Variants in SVOP observed in about 807,000 individuals in gnomAD.
SVOP encodes the protein SV2 related protein, also known as synaptic vesicle 2-related protein.
A neutral mutation model predicts 69.1 loss-of-function variants in SVOP; 17 were observed. The ratio of observed to expected loss-of-function variants is 0.25; its 90% confidence interval spans 0.17 to 0.37. The LOEUF is 0.37. Among genes scored for constraint, SVOP ranks in the 10% least tolerant of loss-of-function variants. The pLI, the probability that SVOP is intolerant of heterozygous loss-of-function variation, is 1.00. For synonymous variants in SVOP, 238 were observed against 238.6 expected (o/e 1.00, Z 0.02); for missense variants, 435 against 597.5 (o/e 0.73, Z 2.84).
chr12:108,934,109 G>C, intron 11 of SVOP, 86 bp downstream of exon 11: 1 of 1,210,850 alleles, frequency 8.3e-7, no homozygotes, highest in Non-Finnish European at 1.2e-6. Flanking sequence ...CTTAAGGGCA[G>C]AGCCTGGGGT....
intron 1 of SVOP, among the ~76,000 whole-genome samples, chr12:108,985,261 AAGAG>A (rs1342411824): frequency 5.9e-5 from 9 of 151,574 alleles, no homozygotes; most frequent in Non-Finnish European, 1.0e-4. Flanking sequence ...AAAAGAAAGA[AAGAG>A]AGAGAGAGGA....
intron 11 of SVOP, among the ~76,000 whole-genome samples, chr12:108,924,116 C>T (rs921702670): frequency 6.6e-6 from 1 of 152,174 alleles, no homozygotes; most frequent in South Asian, 2.1e-4. Context: ...CTTATGCCAT[C>T]TGAGGACACA....
intron 6 of SVOP, among the ~76,000 whole-genome samples, chr12:108,957,859 T>C (rs372909450): frequency 3.4e-4 from 52 of 152,346 alleles, no homozygotes; most frequent in African/African-American, 1.1e-3. Context: ...TTTGGCCTTT[T>C]GGCCAAGGCA....
intron 6 of SVOP, among the ~76,000 whole-genome samples, chr12:108,946,620 C>G (rs1344443914): frequency 6.6e-6 from 1 of 151,542 alleles, no homozygotes; most frequent in African/African-American, 2.4e-5. Flanking sequence ...TATCTTCTAT[C>G]TATCTATCTA....
At chr12:108,916,658 G>A (rs2039715873) in intron 14 of SVOP, among the ~76,000 whole-genome samples, 2 of 152,216 alleles carry the variant, frequency 1.3e-5, no homozygotes, top group South Asian at 2.1e-4. Flanking sequence ...ACGATGCGAG[G>A]AGCCTGGGTT....
At chr12:109,004,632 T>C (rs1013690800) in intron 1 of SVOP, among the ~76,000 whole-genome samples, 1 of 151,950 alleles carries the variant, frequency 6.6e-6, no homozygotes, top group African/African-American at 2.4e-5. Flanking sequence ...GGTCTCAAAC[T>C]CCTGAGCTCA....
rs545100117 is a variant in SVOP at position 109,013,384 on chromosome 12, G to A, written c.35+7450C>T. Among the ~76,000 whole-genome samples the A allele has an allele frequency of 6.9e-4, 104 of 151,204 alleles. 1 individual carries two copies. The highest frequency in any genetic ancestry group is 2.7e-3 in the South Asian group (13 of 4,784). ...AAATACACATAACATCAAACTTACC[G>A]TCTTAACCTTTTTTTTTTTTTTCTG... is the stretch of plus-strand genomic sequence containing the variant. On this transcript the variant is annotated intron_variant, in intron 1 of 15. Coordinates refer to ENST00000610966, the MANE Select transcript of SVOP (RefSeq NM_018711.5).
At chr12:108,965,440 G>A (rs903007527) in intron 5 of SVOP, among the ~76,000 whole-genome samples, 5 of 152,114 alleles carry the variant, frequency 3.3e-5, no homozygotes, top group Admixed American at 2.6e-4. Context: ...GGGGCCTGGT[G>A]GAATTACAGG....
At chr12:108,986,770 G>T (rs949977757) in intron 1 of SVOP, among the ~76,000 whole-genome samples, 1 of 137,756 alleles carries the variant, frequency 7.3e-6, no homozygotes. Flanking sequence ...GCTCTTCTTT[G>T]ATCGGGGAGG....
intron 4 of SVOP, among the ~76,000 whole-genome samples, chr12:108,973,507 T>C (rs2137431408): frequency 6.6e-6 from 1 of 152,286 alleles, no homozygotes; most frequent in Non-Finnish European, 1.5e-5. Flanking sequence ...TCCTCTCACC[T>C]CAGCCTCCTG....
At chr12:108,992,625 G>A (rs528448358) in intron 1 of SVOP, among the ~76,000 whole-genome samples, 1 of 152,138 alleles carries the variant, frequency 6.6e-6, no homozygotes, top group Non-Finnish European at 1.5e-5. Flanking sequence ...AAAATATTAC[G>A]CTGAGCAAAG....
intron 1 of SVOP, among the ~76,000 whole-genome samples, chr12:109,011,547 C>G (rs117506987): frequency 2.6e-5 from 4 of 152,194 alleles, no homozygotes; most frequent in African/African-American, 7.2e-5. Context: ...TCCTCTGGTC[C>G]TGTGTCTCTA....
chr12:108,912,658 C>G lies in SVOP; in HGVS notation c.1524G>C (p.Leu508Phe), dbSNP rs1214751887. The G allele has an allele frequency of 6.2e-7, 1 of 1,613,830 alleles. No individual in the cohort carries two copies. Among genetic ancestry groups the G allele is most frequent in the Non-Finnish European group, 8.5e-7 (1 of 1,179,894 alleles). ...GTCCTCGGCCTTTGGTCTCAATGGG[C>G]AAAAAGCAGGAGGCCAGGGCAGCCA... ...CLLAALASCF[L>F]PIETKGRGLQ... Residue 508 changes from leucine (L) to phenylalanine (F), a missense_variant, in exon 16 of 16, where the codon TTG becomes TTC. Leu to Phe is a conservative substitution (Grantham distance 22). Transcript: ENST00000610966.
intron 1 of SVOP, among the ~76,000 whole-genome samples, chr12:109,017,552 C>A (rs1334055220): frequency 6.6e-6 from 1 of 151,996 alleles, no homozygotes; most frequent in East Asian, 1.9e-4. Context: ...TATATATATA[C>A]ACACACATTT....
intron 6 of SVOP, among the ~76,000 whole-genome samples, chr12:108,952,230 C>CTTTTTTTTTTTTTTTTTTTTT (rs36191772): frequency 1.0e-5 from 1 of 98,360 alleles, no homozygotes; most frequent in Non-Finnish European, 2.0e-5. Flanking sequence ...TTTCTTTTCT[C>CTTTTTTTTTTTTTTTTTTTTT]TTTTTTTTTT....
intron 6 of SVOP, among the ~76,000 whole-genome samples, chr12:108,946,214 C>A (rs1397864425): frequency 6.6e-6 from 1 of 151,980 alleles, no homozygotes; most frequent in African/African-American, 2.4e-5. Flanking sequence ...TACCAGCCTC[C>A]AAGACTACAA....
chr12:108,908,897 A>T lies in SVOP; in HGVS notation c.*3638T>A, dbSNP rs2039663400. On this transcript the variant is annotated 3_prime_UTR_variant, in exon 16 of 16. Transcript: ENST00000610966. ...GCCCTACAGCAGGACTCATGCTGGG[A>T]TGGGCATGACACCCAGGTCTGATCA... 1 of 152,178 alleles carries T rather than the reference A, an allele frequency of 6.6e-6. No homozygotes were observed. Among genetic ancestry groups the T allele is most frequent in the Non-Finnish European group, 1.5e-5 (1 of 68,042 alleles). 9.4% of individuals were successfully genotyped at this position (152,178 alleles called of 1,614,324 possible).
At chr12:108,979,718 C>G (rs1463117140) in intron 2 of SVOP, among the ~76,000 whole-genome samples, 2 of 152,184 alleles carry the variant, frequency 1.3e-5, no homozygotes, top group African/African-American at 4.8e-5. Context: ...GAGTGGACAT[C>G]TTACAAACTG....
chr12:108,924,981 C>T (rs763997859), intron 11 of SVOP, among the ~76,000 whole-genome samples: 10 of 152,090 alleles, frequency 6.6e-5, no homozygotes, highest in Non-Finnish European at 1.3e-4. Context: ...CTTAACACTC[C>T]TTCCTGCTGA....
Sources: allele counts gnomAD v4.1 joint callset (sites outside exome capture counted in the v4.1 genomes callset), GRCh38; gene constraint gnomAD v4.1.1; transcripts MANE v1.5; gene names NCBI Gene and HGNC (gene_info 2026-07-23, HGNC 2026-07-21).